Variants in GMPR observed in about 807,000 individuals in gnomAD.
GMPR encodes GMP reductase 1.
A neutral mutation model predicts 38.4 loss-of-function variants in GMPR; 31 were observed. The ratio of observed to expected loss-of-function variants is 0.81; its 90% CI spans 0.61 to 1.09. The LOEUF (loss-of-function observed/expected upper bound fraction) is 1.09, where lower values mean the gene tolerates loss of function less well. Ranked by LOEUF, GMPR falls within the 50% of genes least tolerant of loss-of-function variation. GMPR has a pLI of 0.00. For synonymous variants in GMPR, 162 were observed against 173.3 expected (o/e 0.93, Z 0.51); for missense variants, 468 against 453.7 (o/e 1.03, Z -0.29).
chr6:16,288,643 C>T (rs1006858061), intron 7 of GMPR, among the ~76,000 whole-genome samples: 2 of 152,232 alleles, frequency 1.3e-5, no homozygotes, highest in Non-Finnish European at 2.9e-5. Context: ...GGAGTGCAGG[C>T]GCAGGGCGTG....
At chr6:16,256,912 C>T (rs57813212) in intron 4 of GMPR, among the ~76,000 whole-genome samples, 4,317 of 152,202 alleles carry the variant, frequency 0.028, 92 homozygotes, top group African/African-American at 0.06. Context: ...GTAGGAGTAG[C>T]TTTTGTTCTA....
At chr6:16,266,902 G>C (rs1433176554) in intron 4 of GMPR, among the ~76,000 whole-genome samples, 1 of 151,972 alleles carries the variant, frequency 6.6e-6, no homozygotes, top group Non-Finnish European at 1.5e-5. Flanking sequence ...CTCCGGACGT[G>C]CCACCTTTAA....
intron 4 of GMPR, 126 bp downstream of exon 4, chr6:16,254,861 T>G: frequency 1.5e-6 from 1 of 653,118 alleles, no homozygotes; most frequent in Non-Finnish European, 2.7e-6. Context: ...CAAAGATTAA[T>G]TGAGGATCAT....
intron 5 of GMPR, among the ~76,000 whole-genome samples, chr6:16,277,653 C>T (rs551990823): frequency 6.5e-4 from 99 of 152,286 alleles, no homozygotes; most frequent in Non-Finnish European, 1.2e-3. Context: ...TCCACGGAGC[C>T]GACCACCCAG....
chr6:16,267,130 G>A lies in GMPR; in HGVS notation c.466-7285G>A, dbSNP rs919142046. ...TGTAATCCCGGCACTTTGGGAGGCC[G>A]AGGTGGGCGGATCACCAGGTCAGGA... On this transcript the variant is annotated intron_variant, in intron 4 of 8. Transcript: ENST00000259727. 6.6e-5 allele frequency among the ~76,000 whole-genome samples: 10 copies of A among 152,070 alleles called. 1 individual carries two copies. Among genetic ancestry groups the A allele is most frequent in the Non-Finnish European group, 8.8e-5 (6 of 68,000 alleles).
intron 4 of GMPR, among the ~76,000 whole-genome samples, chr6:16,266,169 AGCTGT>A (rs1338501990): frequency 2.7e-4 from 16 of 59,584 alleles, no homozygotes; most frequent in Admixed American, 4.6e-4. Context: ...CATCTTTAAG[AGCTGT>A]AACACTTGCC....
intron 4 of GMPR, among the ~76,000 whole-genome samples, chr6:16,271,540 GT>G (rs1759385802): frequency 6.6e-6 from 1 of 152,170 alleles, no homozygotes; most frequent in Admixed American, 6.5e-5. Context: ...CTTCTCTAAA[GT>G]TTTTGTGGTT....
Position 16,285,822 on chromosome 6 carries a change from C to T in GMPR, c.684C>T (p.Val228=), listed in dbSNP as rs772728813. Residue 228 remains valine, a synonymous_variant, in exon 7 of 9, where the codon GTC becomes GTT. Coordinates refer to ENST00000259727, the MANE Select transcript of GMPR (RefSeq NM_006877.4). The stretch of plus-strand genomic sequence containing the variant: ...GAGGCTGTACGTGTCCAGGGGATGT[C>T]GCCAAAGCCTTTGGTAAGGCCGGGC... ...SDGGCTCPGD[V]AKAFGAGADF... is the part of the protein sequence containing the mutation. The T allele has an allele frequency of 3.1e-6, 5 of 1,612,278 alleles. No homozygotes were observed. The highest frequency in any genetic ancestry group is 2.2e-5 in the East Asian group (1 of 44,832).
chr6:16,251,337 G>T (rs560517209), intron 3 of GMPR, among the ~76,000 whole-genome samples: 1 of 152,200 alleles, frequency 6.6e-6, no homozygotes, highest in Non-Finnish European at 1.5e-5. Context: ...TTGGGAGGCC[G>T]AGTCGGGTGG....
intron 4 of GMPR, among the ~76,000 whole-genome samples, chr6:16,263,609 G>A (rs571634011): frequency 1.3e-5 from 2 of 151,618 alleles, no homozygotes; most frequent in African/African-American, 2.4e-5. Context: ...ATAAGAGGTC[G>A]GGTTGCAGAG....
rs539420552 is a variant in GMPR, at chr6:16,254,129, C to T, written c.292-433C>T. Reference sequence around the variant, plus strand: ...TATTTTTAATAGAGACAGAGTTTCACCATGTTGGCCAGGCTTGTCTCGAAC... The same window carrying T: ...TATTTTTAATAGAGACAGAGTTTCATCATGTTGGCCAGGCTTGTCTCGAAC... On this transcript the variant is annotated intron_variant, in intron 3 of 8. Coordinates refer to ENST00000259727, the MANE Select transcript of GMPR (RefSeq NM_006877.4). 3.0e-4 allele frequency among the ~76,000 whole-genome samples: 46 copies of T among 152,282 alleles called. 1 individual carries two copies. The South Asian group carries it at 9.5e-3, about 32-fold the overall frequency.
At chr6:16,277,951 G>A (rs1041973878) in intron 5 of GMPR, among the ~76,000 whole-genome samples, 2 of 152,080 alleles carry the variant, frequency 1.3e-5, no homozygotes, top group Admixed American at 6.6e-5. Context: ...GTGCTGTGGC[G>A]GCACCGGGAA....
intron 4 of GMPR, among the ~76,000 whole-genome samples, chr6:16,265,572 G>A (rs1759179742): frequency 6.6e-6 from 1 of 152,176 alleles, no homozygotes; most frequent in Non-Finnish European, 1.5e-5. Flanking sequence ...CTAGCTAAAG[G>A]ATTGTAAATG....
intron 4 of GMPR, chr6:16,262,842 A>G (rs1759113140): frequency 6.6e-6 from 1 of 152,062 alleles, no homozygotes; most frequent in South Asian, 2.1e-4. Context: ...GATTTGGGAT[A>G]AAGAAAAAGG....
chr6:16,256,859 C>T (rs1027698582), intron 4 of GMPR, among the ~76,000 whole-genome samples: 17 of 152,190 alleles, frequency 1.1e-4, no homozygotes, highest in African/African-American at 3.6e-4. Flanking sequence ...GTGATGACAG[C>T]ACCTGGCACA....
At chr6:16,275,276 T>C (rs1358658389) in intron 5 of GMPR, among the ~76,000 whole-genome samples, 1 of 152,162 alleles carries the variant, frequency 6.6e-6, no homozygotes, top group Non-Finnish European at 1.5e-5. Context: ...CAAAGATTTT[T>C]CAAAAGAATC....
chr6:16,255,032 A>G (rs1440835937), intron 4 of GMPR, among the ~76,000 whole-genome samples: 3 of 149,708 alleles, frequency 2.0e-5, no homozygotes, highest in Non-Finnish European at 3.0e-5. Flanking sequence ...TTTTTTTGAG[A>G]AGGAGTCTCA....
chr6:16,271,122 C>T (rs541988508), intron 4 of GMPR, among the ~76,000 whole-genome samples: 30 of 152,166 alleles, frequency 2.0e-4, no homozygotes, highest in Non-Finnish European at 4.3e-4. Flanking sequence ...TCTATTTTAT[C>T]TAAAGTAGCC....
chr6:16,252,032 T>C (rs922158109), intron 3 of GMPR, among the ~76,000 whole-genome samples: 1 of 152,222 alleles, frequency 6.6e-6, no homozygotes, highest in African/African-American at 2.4e-5. Flanking sequence ...AAGGTCTCAC[T>C]GGCTTTTTGG....
Sources: allele counts gnomAD v4.1 joint callset (sites outside exome capture counted in the v4.1 genomes callset), GRCh38; gene constraint gnomAD v4.1.1; transcripts MANE v1.5; gene names NCBI Gene and HGNC (gene_info 2026-07-23, HGNC 2026-07-21).